CCAR1: variants seen among roughly 807,000 people sequenced by gnomAD.
The protein encoded by CCAR1 is cell division cycle and apoptosis regulator 1, also known as cell division cycle and apoptosis regulator protein 1.
CCAR1 carries 78 observed loss-of-function variants against 163.8 expected under a neutral mutation model. The ratio of observed to expected loss-of-function variants is 0.48; its 90% CI spans 0.40 to 0.57. CCAR1 has a LOEUF of 0.57. Ranked by LOEUF, CCAR1 falls within the 20% of genes least tolerant of loss-of-function variation. The pLI, the probability that CCAR1 is intolerant of heterozygous loss-of-function variation, is 0.00. For missense variants in CCAR1, 1,019 were observed against 1,365.2 expected, an observed-to-expected ratio of 0.75 and a Z score of 4.00; for synonymous variants, 443 against 460.7, an observed-to-expected ratio of 0.96 and a Z score of 0.49.
intron 2 of CCAR1, chr10:68,735,897 G>C (rs1162964): frequency 0.88 from 133,390 of 152,226 alleles, 58,529 homozygotes; most frequent in African/African-American, 0.9. Context: ...CTCTGTTGCC[G>C]AGGCTGGAGT....
intron 2 of CCAR1, among the ~76,000 whole-genome samples, chr10:68,730,652 T>C (rs2056024780): frequency 6.6e-6 from 1 of 152,122 alleles, no homozygotes; most frequent in African/African-American, 2.4e-5. Context: ...GAACATATTT[T>C]TATCCTTAAA....
At chr10:68,732,048 G>A (rs2056046922) in intron 2 of CCAR1, among the ~76,000 whole-genome samples, 1 of 152,136 alleles carries the variant, frequency 6.6e-6, no homozygotes, top group African/African-American at 2.4e-5. Flanking sequence ...GACATTCTGC[G>A]ATTTTGGCTC....
intron 6 of CCAR1, among the ~76,000 whole-genome samples, chr10:68,744,866 G>T (rs911876587): frequency 6.6e-6 from 1 of 150,794 alleles, no homozygotes; most frequent in Admixed American, 6.6e-5. Context: ...TTGAGACAGG[G>T]TCTTGCTTTA....
At chr10:68,744,232 CAA>C (rs1430517791) in intron 6 of CCAR1, among the ~76,000 whole-genome samples, 1 of 152,184 alleles carries the variant, frequency 6.6e-6, no homozygotes, top group East Asian at 1.9e-4. Flanking sequence ...GCGGTTCTAA[CAA>C]TATTTCTGGG....
At chr10:68,741,525 C>T (rs1330887061) in intron 5 of CCAR1, among the ~76,000 whole-genome samples, 1 of 152,148 alleles carries the variant, frequency 6.6e-6, no homozygotes. Flanking sequence ...GTCTTTGGCC[C>T]ATGGGTCATA....
chr10:68,787,882 A>AAT (rs1454896428), intron 21 of CCAR1, 45 bp from the exon 22 acceptor site: 1 of 1,531,922 alleles, frequency 6.5e-7, no homozygotes, highest in Admixed American at 2.1e-5. Flanking sequence ...AGAATCAAGA[A>AAT]ATGTATTTTC....
chr10:68,749,715 G>C (rs1251498328), intron 10 of CCAR1, 30 bp downstream of exon 10: 2 of 1,549,332 alleles, frequency 1.3e-6, no homozygotes, highest in Non-Finnish European at 1.8e-6. Flanking sequence ...TTGTTTTCTT[G>C]AGTTACTAAT....
intron 21 of CCAR1, among the ~76,000 whole-genome samples, chr10:68,787,373 A>G (rs1040923940): frequency 1.3e-5 from 2 of 151,836 alleles, no homozygotes; most frequent in Non-Finnish European, 2.9e-5. Flanking sequence ...ACCATAATTT[A>G]CCTACCTAGT....
chr10:68,758,631 GTATATATACACACGTGTATATATA>G (rs2056428338), intron 15 of CCAR1, among the ~76,000 whole-genome samples: 1 of 35,454 alleles, frequency 2.8e-5, no homozygotes, highest in Admixed American at 4.0e-4. Context: ...ATATATATAT[GTATATATACACACGTGTATATATA>G]TATATATGTA....
At chr10:68,784,599 A>C (rs1211167054) in intron 19 of CCAR1, among the ~76,000 whole-genome samples, 1 of 152,162 alleles carries the variant, frequency 6.6e-6, no homozygotes, top group African/African-American at 2.4e-5. Context: ...ACCCAGGCTG[A>C]GTGCAGAGGT....
intron 21 of CCAR1, among the ~76,000 whole-genome samples, chr10:68,787,205 G>C (rs1282740514): frequency 6.6e-6 from 1 of 151,524 alleles, no homozygotes; most frequent in African/African-American, 2.4e-5. Flanking sequence ...TTTGTAAGCA[G>C]CTCAGTTCCA....
At position 68,773,038 on chromosome 10, in the gene CCAR1, AGAT is replaced by A. The variant is rs2056622490; in HGVS notation, c.2590_2592del (p.Asp864del). The A allele has an allele frequency of 6.4e-7, 1 of 1,565,382 alleles. No individual in the cohort carries two copies. The highest frequency in any genetic ancestry group is 2.3e-5 in the East Asian group (1 of 43,430). ...CTAAAGATGATGATGAAACTGAAGAAGATAACAATCAAGATGAATATGACCCTA... is the reference window on the plus strand; with the variant it reads ...CTAAAGATGATGATGAAACTGAAGAAAACAATCAAGATGAATATGACCCTA... On this transcript the variant is annotated inframe_deletion, in exon 19 of 25. Transcript: ENST00000265872.
At chr10:68,787,338 T>G (rs2056806536) in intron 21 of CCAR1, among the ~76,000 whole-genome samples, 1 of 152,156 alleles carries the variant, frequency 6.6e-6, no homozygotes, top group Admixed American at 6.6e-5. Context: ...TTTTTATAGC[T>G]GCACAGTACC....
intron 17 of CCAR1, among the ~76,000 whole-genome samples, chr10:68,766,583 G>C (rs2056538543): frequency 6.7e-6 from 1 of 148,240 alleles, no homozygotes; most frequent in Non-Finnish European, 1.5e-5. Flanking sequence ...CTGGAGTGCA[G>C]TGATATGATA....
chr10:68,741,884 A>G (rs1413364239), intron 5 of CCAR1, among the ~76,000 whole-genome samples: 1 of 152,160 alleles, frequency 6.6e-6, no homozygotes, highest in Non-Finnish European at 1.5e-5. Flanking sequence ...TGAGAAATCA[A>G]CCTGTTTTTA....
At position 68,758,384 on chromosome 10, in the gene CCAR1, T is replaced by A. The variant is rs141455950; in HGVS notation, c.1920+1007T>A. ...ATATATTTAAAATTAAAACATAGAT[T>A]GATACACATCTAAACTGGGAAGAGG... On this transcript the variant is annotated intron_variant, in intron 15 of 24. Transcript: ENST00000265872. Among the ~76,000 whole-genome samples, 410 of 151,884 alleles carry A rather than the reference T, an allele frequency of 2.7e-3. 3 individuals carry two copies. The highest frequency in any genetic ancestry group is 9.5e-3 in the African/African-American group (392 of 41,414).
Position 68,771,222 on chromosome 10 carries a change from A to G in CCAR1, c.2315A>G (p.Glu772Gly). ...TTTTTATAGGTTTCATTGTTTGCGG[A>G]ACTTTTCAACGAAATGCTTCAAAGA... Reference protein sequence around the residue: ...EHSFEVSLFAELFNEMLQRDF... With the variant: ...EHSFEVSLFAGLFNEMLQRDF... The change falls in exon 18 of 25, where the codon GAA becomes GGA. Residue 772 changes from glutamate to glycine, a missense_variant. Physicochemically the swap from Glu to Gly is moderately conservative, Grantham distance 98. Around this residue, in one of 4 missense-constraint regions of CCAR1, gnomAD observed 17 missense variants for 36.6 expected, o/e 0.47. Transcript: ENST00000265872. 1 of 1,587,728 alleles carries G rather than the reference A, an allele frequency of 6.3e-7. No individual in the cohort carries two copies. The highest frequency in any genetic ancestry group is 8.5e-7 in the Non-Finnish European group (1 of 1,173,024).
At chr10:68,783,242 TGCA>T (rs2056757337) in intron 19 of CCAR1, among the ~76,000 whole-genome samples, 1 of 152,016 alleles carries the variant, frequency 6.6e-6, no homozygotes, top group Non-Finnish European at 1.5e-5. Flanking sequence ...CAGGCTGGAA[TGCA>T]GTGGCACGAT....
Position 68,791,191 on chromosome 10 carries a change from C to T in CCAR1, c.3394-16C>T, listed in dbSNP as rs1197967675. 6.9e-7 allele frequency: 1 copy of T among 1,454,276 alleles called. No homozygotes were observed. Among genetic ancestry groups the T allele is most frequent in the African/African-American group, 1.4e-5 (1 of 70,572 alleles). The allele number at this position is 1,454,276 out of a possible 1,614,324, so 90.1% of individuals were successfully genotyped here. A position where few individuals can be genotyped will look rare whatever the true frequency, so the allele number is the denominator to read the frequency against. On this transcript the variant is annotated splice_polypyrimidine_tract_variant and intron_variant, in intron 24 of 24. Transcript: ENST00000265872. ...ATCTAATAAAATGTATTTTTTCCTT[C>T]TCTATTGTCTTATAGGATAATGTAA... is the stretch of plus-strand genomic sequence containing the variant.
Sources: gnomAD v4.1 joint callset for allele counts (sites outside exome capture counted in the v4.1 genomes callset) on GRCh38, gnomAD v4.1.1 for gene constraint, gnomAD v4.1.1 regional missense constraint, MANE v1.5 for transcripts, NCBI Gene and HGNC (gene_info 2026-07-23, HGNC 2026-07-21) for gene names.